Variants in TMEM178B observed in about 807,000 individuals in gnomAD.
The protein encoded by TMEM178B is transmembrane protein 178B.
Under a neutral mutation model 31.0 loss-of-function variants are expected in TMEM178B, and 5 were observed. That is an observed-to-expected ratio of 0.16 (90% confidence interval 0.08 to 0.34). The LOEUF (loss-of-function observed/expected upper bound fraction) is 0.34. TMEM178B is among the 10% of genes least tolerant of loss of function. The pLI is 1.00. For missense variants in TMEM178B, 275 were observed against 400.3 expected, an observed-to-expected ratio of 0.69 and a Z score of 2.67; for synonymous variants, 164 against 164.0, an observed-to-expected ratio of 1.00 and a Z score of 0.00.
intron 2 of TMEM178B, among the ~76,000 whole-genome samples, chr7:141,231,556 C>T (rs1797447012): frequency 2.6e-5 from 4 of 152,174 alleles, no homozygotes; most frequent in Admixed American, 2.6e-4. Flanking sequence ...TTCTATTTGA[C>T]ATGGTATCTC....
At chr7:141,098,438 A>G (rs991677919) in intron 1 of TMEM178B, among the ~76,000 whole-genome samples, 5 of 152,234 alleles carry the variant, frequency 3.3e-5, no homozygotes, top group African/African-American at 1.2e-4. Flanking sequence ...AGACATTTGT[A>G]TGTAAAGTGG....
intron 1 of TMEM178B, among the ~76,000 whole-genome samples, chr7:141,125,482 A>C (rs1007682708): frequency 6.6e-6 from 1 of 151,974 alleles, no homozygotes; most frequent in Non-Finnish European, 1.5e-5. Context: ...GGAGTTTGAG[A>C]CCAGCCTGGA....
intron 2 of TMEM178B, among the ~76,000 whole-genome samples, chr7:141,378,335 AGT>A (rs1417833966): frequency 6.6e-6 from 1 of 152,088 alleles, no homozygotes; most frequent in African/African-American, 2.4e-5. Flanking sequence ...CTACTTTTCT[AGT>A]GACTATTTTT....
At chr7:141,151,890 T>C (rs1795980723) in intron 1 of TMEM178B, among the ~76,000 whole-genome samples, 1 of 152,146 alleles carries the variant, frequency 6.6e-6, no homozygotes, top group South Asian at 2.1e-4. Context: ...CTGTGTCCTG[T>C]GGGCTCCACA....
chr7:141,272,060 C>T (rs1158842559), intron 2 of TMEM178B, among the ~76,000 whole-genome samples: 2 of 152,202 alleles, frequency 1.3e-5, no homozygotes, highest in African/African-American at 4.8e-5. Context: ...ACATCCCAGA[C>T]AGAAGTGATC....
At position 141,258,856 on chromosome 7, in the gene TMEM178B, A is replaced by G. The variant is rs551248892; in HGVS notation, c.496+46152A>G. ...ATCAGATTATTGTTCTCCTATATATATGAGTCAGTTTTCTCTTGATGCTTT... is the reference window on the plus strand; with the variant it reads ...ATCAGATTATTGTTCTCCTATATATGTGAGTCAGTTTTCTCTTGATGCTTT... On this transcript the variant is annotated intron_variant, in intron 2 of 3. Coordinates refer to ENST00000565468, the MANE Select transcript of TMEM178B (RefSeq NM_001195278.2). Among the ~76,000 whole-genome samples, 83 of 152,290 alleles carry G rather than the reference A, an allele frequency of 5.5e-4. 1 individual carries two copies. In the South Asian group the frequency reaches 0.017, roughly 31 times the overall value.
At chr7:141,488,052 T>C in the TMEM178B span, among the ~76,000 whole-genome samples, 2 of 151,938 alleles carry the variant, frequency 1.3e-5, no homozygotes, top group African/African-American at 4.8e-5. Flanking sequence ...GAGGTTCATA[T>C]ACTAGAACAG....
chr7:141,440,988 G>A (rs559554650), intron 3 of TMEM178B, among the ~76,000 whole-genome samples: 4 of 152,332 alleles, frequency 2.6e-5, no homozygotes, highest in South Asian at 4.1e-4. Flanking sequence ...CTGGTCCCTC[G>A]AAGTGTGGTC....
intron 2 of TMEM178B, among the ~76,000 whole-genome samples, chr7:141,288,377 C>T (rs1335414613): frequency 1.3e-5 from 2 of 151,908 alleles, no homozygotes; most frequent in African/African-American, 4.8e-5. Context: ...TACCCAGTGC[C>T]TCGCTCCATC....
chr7:141,341,365 A>G (rs1473122308), intron 2 of TMEM178B, among the ~76,000 whole-genome samples: 3 of 152,214 alleles, frequency 2.0e-5, no homozygotes, highest in African/African-American at 7.2e-5. Context: ...GAGGAAAATG[A>G]GAAGGAAAAA....
chr7:141,421,399 A>G (rs1376099322), intron 2 of TMEM178B, among the ~76,000 whole-genome samples: 1 of 152,218 alleles, frequency 6.6e-6, no homozygotes, highest in Non-Finnish European at 1.5e-5. Flanking sequence ...TCTGCCTCGT[A>G]GCATGGCAGT....
At chr7:141,282,647 T>A (rs1192714137) in intron 2 of TMEM178B, among the ~76,000 whole-genome samples, 1 of 152,180 alleles carries the variant, frequency 6.6e-6, no homozygotes, top group Non-Finnish European at 1.5e-5. Context: ...AATTTAAGCC[T>A]TATCGCATGA....
intron 2 of TMEM178B, among the ~76,000 whole-genome samples, chr7:141,386,283 A>G (rs1483413669): frequency 6.6e-6 from 1 of 152,156 alleles, no homozygotes; most frequent in Non-Finnish European, 1.5e-5. Context: ...ATTCTATACA[A>G]AGGGTTGTTT....
intron 2 of TMEM178B, among the ~76,000 whole-genome samples, chr7:141,328,863 T>G (rs1799244528): frequency 6.6e-6 from 1 of 152,176 alleles, no homozygotes; most frequent in Non-Finnish European, 1.5e-5. Flanking sequence ...TTCCAGCTCC[T>G]TTTTCTACAG....
intron 2 of TMEM178B, among the ~76,000 whole-genome samples, chr7:141,336,031 A>T (rs1399853361): frequency 2.0e-5 from 3 of 152,162 alleles, no homozygotes; most frequent in African/African-American, 7.2e-5. Flanking sequence ...TGACAATTGT[A>T]ATTTAAAATG....
At chr7:141,231,720 G>C (rs773966182) in intron 2 of TMEM178B, among the ~76,000 whole-genome samples, 1 of 152,180 alleles carries the variant, frequency 6.6e-6, no homozygotes. Context: ...GTTCTCCCAC[G>C]GTCAACTAGC....
chr7:141,166,776 A>T lies in TMEM178B; in HGVS notation c.383-45815A>T, dbSNP rs115366889. Among the ~76,000 whole-genome samples, 517 of 152,334 alleles carry T rather than the reference A, an allele frequency of 3.4e-3. 3 individuals carry two copies. The highest frequency in any genetic ancestry group is 0.012 in the African/African-American group (505 of 41,574). On this transcript the variant is annotated intron_variant, in intron 1 of 3. Transcript: ENST00000565468. ...TTTTTAGTTTTGAAAGATGAATGAG[A>T]AAAGACCAAGGACAGCTTCTCCTGC...
chr7:141,112,391 A>G (rs980274866), intron 1 of TMEM178B, among the ~76,000 whole-genome samples: 7 of 152,072 alleles, frequency 4.6e-5, no homozygotes, highest in African/African-American at 1.2e-4. Flanking sequence ...TAGCTGGGAC[A>G]ACAGGTGTTA....
chr7:141,477,622 CT>C lies in TMEM178B; in HGVS notation c.*6838del, dbSNP rs1400863434. On this transcript the variant is annotated 3_prime_UTR_variant, in exon 4 of 4. Coordinates refer to ENST00000565468, the MANE Select transcript of TMEM178B (RefSeq NM_001195278.2). ...GCCCTGTCACCGGCTCACTCAGGGC[CT>C]TGGGGGAGTCTCATTACCTCACCTT... 3.3e-5 allele frequency: 5 copies of C among 152,166 alleles called. No homozygotes were observed. Among genetic ancestry groups the C allele is most frequent in the Non-Finnish European group, 5.9e-5 (4 of 68,084 alleles). 9.4% of individuals were successfully genotyped at this position (152,166 alleles called of 1,614,324 possible).
Sources: allele counts gnomAD v4.1 joint callset (sites outside exome capture counted in the v4.1 genomes callset), GRCh38; gene constraint gnomAD v4.1.1; transcripts MANE v1.5; gene names NCBI Gene and HGNC (gene_info 2026-07-23, HGNC 2026-07-21).